Variants in SEMA6A observed in about 807,000 individuals in gnomAD.
SEMA6A encodes the protein semaphorin 6A, also known as semaphorin-6A.
A neutral mutation model predicts 96.8 loss-of-function variants in SEMA6A; 25 were observed. That is an observed-to-expected ratio of 0.26 (90% CI 0.19 to 0.36). The LOEUF is 0.36. SEMA6A is among the 10% of genes least tolerant of loss of function. SEMA6A has a pLI of 1.00. For missense variants in SEMA6A, 1,363 were observed against 1,323.1 expected (o/e 1.03, Z -0.47); for synonymous variants, 612 against 518.0 (o/e 1.18, Z -2.46).
At chr5:116,448,207 G>A (rs558218536) in intron 18 of SEMA6A, among the ~76,000 whole-genome samples, 2 of 143,416 alleles carry the variant, frequency 1.4e-5, no homozygotes, top group African/African-American at 5.3e-5. Context: ...TTAGCCAGGC[G>A]CGGTGGCGGG....
chr5:116,536,904 G>A (rs1023682988), intron 1 of SEMA6A, among the ~76,000 whole-genome samples: 9 of 136,136 alleles, frequency 6.6e-5, no homozygotes, highest in African/African-American at 2.3e-4. Context: ...AGCAAAACTG[G>A]TGTTCTTTTG....
intron 6 of SEMA6A, among the ~76,000 whole-genome samples, chr5:116,494,514 CG>C (rs1434939829): frequency 3.3e-5 from 5 of 152,080 alleles, no homozygotes; most frequent in African/African-American, 1.2e-4. Flanking sequence ...TTTGAAGACA[CG>C]GGGTCATCCT....
At chr5:116,490,848 C>A (rs1367777398) in intron 7 of SEMA6A, among the ~76,000 whole-genome samples, 8 of 152,178 alleles carry the variant, frequency 5.3e-5, no homozygotes, top group Admixed American at 2.0e-4. Context: ...CACTATTATA[C>A]CAACACTTCT....
chr5:116,468,639 G>A (rs1256942220), intron 17 of SEMA6A: 2 of 152,164 alleles, frequency 1.3e-5, no homozygotes, highest in Admixed American at 6.5e-5. Flanking sequence ...CATTCCACAA[G>A]GTTAAATACA....
chr5:116,448,745 C>T (rs1325170518), intron 18 of SEMA6A, among the ~76,000 whole-genome samples: 4 of 111,880 alleles, frequency 3.6e-5, no homozygotes, highest in Admixed American at 2.1e-4. Flanking sequence ...GCTGATTTTG[C>T]ATCACCTCTC....
At position 116,447,332 on chromosome 5, in the gene SEMA6A, G is replaced by A. The variant is rs779770223; in HGVS notation, c.2374C>T (p.Pro792Ser). ...GGAATCACAGGGGAGCCCATGGGGGGCATGTCCTTTGTGCAGGCATTGATG... is the reference window on the plus strand; with the variant it reads ...GGAATCACAGGGGAGCCCATGGGGGACATGTCCTTTGTGCAGGCATTGATG... ...NLINACTKDM[P>S]PMGSPVIPTD... is the part of the protein sequence containing the mutation. The change falls in exon 19 of 19, where the codon CCC becomes TCC. Residue 792 changes from proline (P) to serine (S), a missense_variant. By Grantham distance (74) the Pro-to-Ser change is moderately conservative. This residue lies in a region of SEMA6A where 883 missense variants were observed against 763.6 expected (regional missense o/e 1.16). Transcript: ENST00000343348. 5.0e-6 allele frequency: 8 copies of A among 1,613,696 alleles called. No individual in the cohort carries two copies. In the African/African-American group the frequency reaches 6.7e-5, roughly 13 times the overall value.
chr5:116,563,012 G>A, intron 1 of SEMA6A: 2 of 537,280 alleles, frequency 3.7e-6, no homozygotes, highest in Admixed American at 2.1e-5. Context: ...CGCCATCTGT[G>A]AACAAGACAA....
At chr5:116,520,323 C>CACATTTATATTATT (rs58033023) in intron 1 of SEMA6A, among the ~76,000 whole-genome samples, 20,323 of 145,972 alleles carry the variant, frequency 0.14, 1,506 homozygotes, top group African/African-American at 0.19. Flanking sequence ...TTGAGATTTT[C>CACATTTATATTATT]ACTTGCTTTT....
chr5:116,459,395 C>A (rs1416199588), intron 18 of SEMA6A, among the ~76,000 whole-genome samples: 3 of 152,140 alleles, frequency 2.0e-5, no homozygotes, highest in African/African-American at 7.2e-5. Context: ...CTTCTACCCT[C>A]CTGTGGTCCC....
At chr5:116,563,731 A>G (rs1760912878) in intron 1 of SEMA6A, among the ~76,000 whole-genome samples, 1 of 152,240 alleles carries the variant, frequency 6.6e-6, no homozygotes, top group South Asian at 2.1e-4. Flanking sequence ...TTTTAATGAA[A>G]AAAGCTTTGA....
intron 1 of SEMA6A, among the ~76,000 whole-genome samples, chr5:116,547,513 T>A (rs995736883): frequency 2.6e-5 from 4 of 152,036 alleles, no homozygotes; most frequent in African/African-American, 9.7e-5. Flanking sequence ...TTTTAAAGCA[T>A]TCATCATTTT....
intron 1 of SEMA6A, among the ~76,000 whole-genome samples, chr5:116,538,089 C>A (rs1323319167): frequency 6.6e-6 from 1 of 152,152 alleles, no homozygotes; most frequent in Non-Finnish European, 1.5e-5. Context: ...GCAGGGGAAT[C>A]GCTTGAACCC....
In SEMA6A at chr5:116,491,734, G is replaced by A. The variant is rs371862375; in HGVS notation, c.535+6C>T. 1.2e-5 allele frequency: 19 copies of A among 1,610,910 alleles called. No homozygotes were observed. Among genetic ancestry groups the A allele is most frequent in the African/African-American group, 2.7e-5 (2 of 74,836 alleles). On this transcript the variant is annotated splice_donor_region_variant and intron_variant, in intron 7 of 18. Transcript: ENST00000343348. ...AAGTGCAACGAGGAGAAATCAGGTC[G>A]CTTACCTGCAAACAGTGCAACGTTG...
intron 1 of SEMA6A, among the ~76,000 whole-genome samples, chr5:116,555,437 A>T (rs544989817): frequency 5.9e-5 from 9 of 152,328 alleles, no homozygotes; most frequent in African/African-American, 1.9e-4. Flanking sequence ...CCCATGACTC[A>T]ATCTGAAAAT....
In SEMA6A at chr5:116,478,107, A is replaced by G. The variant is rs766446404; in HGVS notation, c.1475T>C (p.Leu492Pro). The change falls in exon 14 of 19, where the codon CTG becomes CCG. Residue 492 changes from leucine to proline, a missense_variant. By Grantham distance (98) the Leu-to-Pro change is moderately conservative (BLOSUM62 -3). This residue lies in a region of SEMA6A where 883 missense variants were observed against 763.6 expected (regional missense o/e 1.16). Coordinates refer to ENST00000343348, the MANE Select transcript of SEMA6A (RefSeq NM_020796.5). ...VEDKRIMGMQ[L>P]DRASSSLYVA... is the part of the protein sequence containing the mutation. ...ATACAGAGAGCTGCTTGCTCTGTCC[A>G]GCTGCATGCCCATGATCCTTTTGTC... The G allele has an allele frequency of 1.3e-5, 21 of 1,613,848 alleles. 1 individual carries two copies. In the South Asian group the frequency reaches 2.1e-4, roughly 16 times the overall value.
At chr5:116,506,790 A>G (rs769686423) in intron 1 of SEMA6A, among the ~76,000 whole-genome samples, 5 of 152,186 alleles carry the variant, frequency 3.3e-5, no homozygotes, top group Non-Finnish European at 5.9e-5. Context: ...CATATAATGA[A>G]AGAAAGGAAA....
intron 10 of SEMA6A, among the ~76,000 whole-genome samples, chr5:116,486,278 C>G (rs1319079356): frequency 6.6e-6 from 1 of 152,142 alleles, no homozygotes; most frequent in Admixed American, 6.6e-5. Context: ...GTACTGATCC[C>G]GTCATGAGAA....
chr5:116,553,715 G>C (rs887143851), intron 1 of SEMA6A, among the ~76,000 whole-genome samples: 1 of 152,154 alleles, frequency 6.6e-6, no homozygotes, highest in Non-Finnish European at 1.5e-5. Context: ...AGGAGCAGGA[G>C]CCACACTAGA....
At chr5:116,452,045 T>C (rs1034016885) in intron 18 of SEMA6A, among the ~76,000 whole-genome samples, 5 of 151,936 alleles carry the variant, frequency 3.3e-5, no homozygotes, top group Admixed American at 6.5e-5. Flanking sequence ...TTGCTTCAGA[T>C]GCTGCCTGGA....
Sources: allele counts gnomAD v4.1 joint callset (sites outside exome capture counted in the v4.1 genomes callset), GRCh38; gene constraint gnomAD v4.1.1; regional missense constraint gnomAD v4.1.1; transcripts MANE v1.5; gene names NCBI Gene and HGNC (gene_info 2026-07-23, HGNC 2026-07-21).